KLHL29: variants seen among roughly 807,000 people sequenced by gnomAD.
KLHL29 encodes kelch like family member 29.
KLHL29 carries 21 observed loss-of-function variants against 80.4 expected under a neutral mutation model. That is an observed-to-expected ratio of 0.26 (90% CI 0.19 to 0.38). KLHL29 has a LOEUF of 0.38. Ranked by LOEUF, KLHL29 falls within the 10% of genes least tolerant of loss-of-function variation. KLHL29 has a pLI of 1.00. For missense variants in KLHL29, 867 were observed against 1,223.9 expected, an observed-to-expected ratio of 0.71 and a Z score of 4.35; for synonymous variants, 511 against 526.8, an observed-to-expected ratio of 0.97 and a Z score of 0.41.
At chr2:23,702,798 G>A (rs1198199728) in intron 11 of KLHL29, among the ~76,000 whole-genome samples, 3 of 151,930 alleles carry the variant, frequency 2.0e-5, no homozygotes, top group African/African-American at 7.2e-5. Context: ...GCTTCATCCA[G>A]CACGTTTCTC....
chr2:23,684,547 C>T lies in KLHL29; in HGVS notation c.1079+10C>T. On this transcript the variant is annotated intron_variant, in intron 6 of 13. Transcript: ENST00000486442. The surrounding 1 kb of genome is among the most constrained non-coding windows in gnomAD (Gnocchi z 4.4). Reference sequence around the variant, plus strand: ...AGGACCTGATTCAAAGGTTTGCCTTCCTTCCAGCTGTGGTCGGGTCTGTTC... The same window carrying T: ...AGGACCTGATTCAAAGGTTTGCCTTTCTTCCAGCTGTGGTCGGGTCTGTTC... 6.5e-7 allele frequency: 1 copy of T among 1,542,868 alleles called. No homozygotes were observed. Among genetic ancestry groups the T allele is most frequent in the Middle Eastern group, 1.7e-4 (1 of 5,958 alleles).
chr2:23,614,198 T>C (rs932108716), intron 3 of KLHL29, among the ~76,000 whole-genome samples: 4 of 152,192 alleles, frequency 2.6e-5, no homozygotes, highest in Non-Finnish European at 5.9e-5. Context: ...GCAGAACCAA[T>C]GTACATCTTA....
chr2:23,654,697 G>GGGT, intron 5 of KLHL29, among the ~76,000 whole-genome samples: 1 of 93,078 alleles, frequency 1.1e-5, no homozygotes, highest in Non-Finnish European at 2.2e-5. Flanking sequence ...AACAGAGGTT[G>GGGT]GGGGGGGGGG....
At chr2:23,564,312 A>G (rs1309719591) in intron 3 of KLHL29, among the ~76,000 whole-genome samples, 2 of 152,182 alleles carry the variant, frequency 1.3e-5, no homozygotes, top group Admixed American at 6.5e-5. Context: ...CCACAGCCAC[A>G]TGAGAGGAAG....
At chr2:23,437,776 T>C (rs1007102171) in intron 1 of KLHL29, among the ~76,000 whole-genome samples, 5 of 152,224 alleles carry the variant, frequency 3.3e-5, no homozygotes, top group African/African-American at 9.6e-5. Flanking sequence ...TGGCTCAGGA[T>C]TGACTTGGTG....
At chr2:23,522,527 C>T (rs1666135755) in intron 2 of KLHL29, among the ~76,000 whole-genome samples, 1 of 151,170 alleles carries the variant, frequency 6.6e-6, no homozygotes, top group African/African-American at 2.4e-5. Context: ...TATTTCTGGG[C>T]AGATGGAAGA....
In KLHL29 at chr2:23,692,426, C is replaced by T. The variant is rs550774151; in HGVS notation, c.1282+550C>T. Reference sequence around the variant, plus strand: ...GCTGCCTTTACGCTTGATGCTACCCCGCATGGGCGACGGCAAGGTGAGGGA... The same window carrying T: ...GCTGCCTTTACGCTTGATGCTACCCTGCATGGGCGACGGCAAGGTGAGGGA... On this transcript the variant is annotated intron_variant, in intron 7 of 13. Coordinates refer to ENST00000486442, the MANE Select transcript of KLHL29 (RefSeq NM_052920.2). 3.3e-5 allele frequency among the ~76,000 whole-genome samples: 5 copies of T among 152,350 alleles called. No individual in the cohort carries two copies. The South Asian group carries it at 6.2e-4, about 19-fold the overall frequency.
At chr2:23,636,730 T>C (rs1669621355) in intron 3 of KLHL29, among the ~76,000 whole-genome samples, 1 of 151,966 alleles carries the variant, frequency 6.6e-6, no homozygotes, top group African/African-American at 2.4e-5. Context: ...GCGGTAGGAG[T>C]GCTTTGAAGC....
At chr2:23,439,507 T>G (rs1441951568) in intron 1 of KLHL29, among the ~76,000 whole-genome samples, 2 of 151,256 alleles carry the variant, frequency 1.3e-5, no homozygotes, top group Non-Finnish European at 2.9e-5. Context: ...TCTGGTATGT[T>G]GTGTCTTTGT....
chr2:23,415,336 T>C (rs931655106), intron 1 of KLHL29, among the ~76,000 whole-genome samples: 3 of 152,244 alleles, frequency 2.0e-5, no homozygotes, highest in African/African-American at 7.2e-5. Context: ...GCTGAGAACC[T>C]GCCCAGGAAG....
At chr2:23,449,593 A>C (rs556364724) in intron 1 of KLHL29, among the ~76,000 whole-genome samples, 1 of 152,266 alleles carries the variant, frequency 6.6e-6, no homozygotes, top group Non-Finnish European at 1.5e-5. Flanking sequence ...GTGTTCTTAT[A>C]GCAATTTCTG....
intron 1 of KLHL29, among the ~76,000 whole-genome samples, chr2:23,412,122 AGG>A (rs33951812): frequency 0.4 from 47,333 of 118,726 alleles, 9,925 homozygotes; most frequent in East Asian, 0.5. Context: ...GTGTGCGTGA[AGG>A]GGGGGGGGGG....
In KLHL29 at chr2:23,552,761, CTTTTTT is replaced by C. The variant is rs60558023; in HGVS notation, c.-45-9379_-45-9374del. Among the ~76,000 whole-genome samples the C allele has an allele frequency of 1.1e-3, 108 of 95,544 alleles. 8 individuals are homozygous for C. The highest frequency in any genetic ancestry group is 5.0e-3 in the African/African-American group (107 of 21,210). The allele number at this position is 95,544 out of a possible 152,430, so 62.7% of individuals were successfully genotyped here. On this transcript the variant is annotated intron_variant, in intron 2 of 13. Coordinates refer to ENST00000486442, the MANE Select transcript of KLHL29 (RefSeq NM_052920.2). ...CACGGCTATAGCTCTGGTTTCTTTT[CTTTTTT>C]TTTTTTTTTTTGAGATGGCGTCTCA...
chr2:23,550,957 T>C (rs1667108234), intron 2 of KLHL29, among the ~76,000 whole-genome samples: 1 of 152,182 alleles, frequency 6.6e-6, no homozygotes. Flanking sequence ...GCAAAATCCA[T>C]CTCAAAAGAC....
At chr2:23,651,715 A>C (rs1670093195) in intron 5 of KLHL29, among the ~76,000 whole-genome samples, 2 of 152,088 alleles carry the variant, frequency 1.3e-5, no homozygotes, top group African/African-American at 2.4e-5. Context: ...ACAGAAATGT[A>C]TTTTCTCACA....
chr2:23,592,705 A>G (rs1668299009), intron 3 of KLHL29, among the ~76,000 whole-genome samples: 1 of 152,250 alleles, frequency 6.6e-6, no homozygotes, highest in Non-Finnish European at 1.5e-5. Flanking sequence ...AGAGGGAAGA[A>G]CCAAGAGCTT....
At chr2:23,703,596 G>A in intron 12 of KLHL29, 123 bp from the exon 13 acceptor site, 2 of 1,263,810 alleles carry the variant, frequency 1.6e-6, no homozygotes, top group Non-Finnish European at 2.1e-6. Context: ...CCCATCCCCA[G>A]GCCAATCAGT....
At chr2:23,701,165 C>G (rs1194317196) in intron 11 of KLHL29, among the ~76,000 whole-genome samples, 1 of 88,982 alleles carries the variant, frequency 1.1e-5, no homozygotes, top group Non-Finnish European at 2.6e-5. Context: ...CAGTCCCAAG[C>G]CAGACCCTGA....
At chr2:23,450,049 G>A (rs1257745673) in intron 1 of KLHL29, among the ~76,000 whole-genome samples, 1 of 152,186 alleles carries the variant, frequency 6.6e-6, no homozygotes, top group Non-Finnish European at 1.5e-5. Context: ...ACAGTCTTTT[G>A]ACATCTCAAG....
Sources: gnomAD v4.1 joint callset for allele counts (sites outside exome capture counted in the v4.1 genomes callset) on GRCh38, gnomAD v4.1.1 for gene constraint, Gnocchi (gnomAD v3.1) non-coding constraint, MANE v1.5 for transcripts, NCBI Gene and HGNC (gene_info 2026-07-23, HGNC 2026-07-21) for gene names.